The following SIL1 variants were observed in gnomAD, a reference collection of about 807,000 sequenced individuals.
SIL1 encodes the protein SIL1 nucleotide exchange factor, also known as nucleotide exchange factor SIL1.
Under a neutral mutation model 49.1 loss-of-function variants are expected in SIL1, and 40 were observed. The observed-to-expected ratio is 0.81, with a 90% CI of 0.63 to 1.06. The LOEUF is 1.06. Among genes scored for constraint, SIL1 ranks in the 50% least tolerant of loss-of-function variants. The pLI is 0.00. For synonymous variants in SIL1, 253 were observed against 250.8 expected (o/e 1.01, Z -0.08); for missense variants, 500 against 572.6 (o/e 0.87, Z 1.29).
intron 7 of SIL1, among the ~76,000 whole-genome samples, chr5:138,974,805 G>T (rs1418827258): frequency 6.6e-6 from 1 of 152,202 alleles, no homozygotes; most frequent in African/African-American, 2.4e-5. Flanking sequence ...AGCTCTTGCT[G>T]TATTTCCTTA....
intron 3 of SIL1, among the ~76,000 whole-genome samples, chr5:139,102,142 C>T (rs937397200): frequency 6.6e-6 from 1 of 152,036 alleles, no homozygotes; most frequent in African/African-American, 2.4e-5. Context: ...AATGCCCAAC[C>T]GTAAGAATTA....
chr5:138,981,214 A>AC (rs1767511911), intron 7 of SIL1, among the ~76,000 whole-genome samples: 1 of 8,512 alleles, frequency 1.2e-4, no homozygotes, highest in African/African-American at 7.3e-4. Flanking sequence ...CTCTGTCTCC[A>AC]AAAAAAAAAA....
intron 1 of SIL1, among the ~76,000 whole-genome samples, chr5:139,193,956 T>C (rs747892545): frequency 3.9e-5 from 6 of 152,250 alleles, no homozygotes; most frequent in Non-Finnish European, 8.8e-5. Flanking sequence ...AGGCTGGCTC[T>C]TTCCATTTGT....
intron 3 of SIL1, among the ~76,000 whole-genome samples, chr5:139,115,917 C>T (rs1172875440): frequency 2.6e-5 from 4 of 152,224 alleles, no homozygotes; most frequent in Non-Finnish European, 5.9e-5. Context: ...GTCTTATGGA[C>T]TTAGCCCTTT....
rs1768471645 is a variant in SIL1 at position 139,019,567 on chromosome 5, G to A, written c.767+1604C>T. Among the ~76,000 whole-genome samples, 3 of 152,086 alleles carry A rather than the reference G, an allele frequency of 2.0e-5. No individual in the cohort carries two copies. The South Asian group carries it at 6.2e-4, about 32-fold the overall frequency. ...TTGATGCTGCATAAATGTTAACATG[G>A]TCTTAAGCTAATACAATCACAGAAA... On this transcript the variant is annotated intron_variant, in intron 7 of 9. Transcript: ENST00000394817.
Position 139,157,694 on chromosome 5 carries a change from T to C in SIL1, c.-10-29841A>G, listed in dbSNP as rs117902984. 4.0e-4 allele frequency among the ~76,000 whole-genome samples: 61 copies of C among 152,318 alleles called. 1 individual carries two copies. In the East Asian group the frequency reaches 0.011, roughly 28 times the overall value. On this transcript the variant is annotated intron_variant, in intron 1 of 9. Transcript: ENST00000394817. ...GGTGGAGAAACACAGCAGTATGTTT[T>C]GTAAAAATAATGATGTCTTGGTAAC...
At chr5:139,105,604 T>A (rs1296432353) in intron 3 of SIL1, among the ~76,000 whole-genome samples, 1 of 152,182 alleles carries the variant, frequency 6.6e-6, no homozygotes, top group Non-Finnish European at 1.5e-5. Context: ...GAAAGCTCAT[T>A]TAGGGAATGG....
At chr5:139,125,377 C>A (rs980037989) in intron 2 of SIL1, among the ~76,000 whole-genome samples, 1 of 152,196 alleles carries the variant, frequency 6.6e-6, no homozygotes, top group East Asian at 1.9e-4. Flanking sequence ...CACTTCCTTG[C>A]GCTTGTATCC....
At chr5:139,052,308 T>C (rs1055478095) in intron 3 of SIL1, among the ~76,000 whole-genome samples, 1 of 152,236 alleles carries the variant, frequency 6.6e-6, no homozygotes, top group Admixed American at 6.5e-5. Flanking sequence ...AGGGAGTTTC[T>C]GTATGTTTTA....
At chr5:139,043,667 A>G (rs181307078) in intron 4 of SIL1, among the ~76,000 whole-genome samples, 4 of 152,324 alleles carry the variant, frequency 2.6e-5, no homozygotes, top group African/African-American at 4.8e-5. Context: ...CCTGCCAAAG[A>G]CCAGAATGGT....
At chr5:139,069,609 A>G (rs1769784694) in intron 3 of SIL1, among the ~76,000 whole-genome samples, 1 of 152,224 alleles carries the variant, frequency 6.6e-6, no homozygotes, top group South Asian at 2.1e-4. Context: ...ATAATTCAAG[A>G]AAGCTTTCCT....
At chr5:138,994,883 T>G (rs1767830584) in intron 7 of SIL1, among the ~76,000 whole-genome samples, 1 of 152,170 alleles carries the variant, frequency 6.6e-6, no homozygotes. Context: ...CCCAACAGGT[T>G]CCAGTGTATG....
chr5:139,096,630 C>T (rs1770472725), intron 3 of SIL1, among the ~76,000 whole-genome samples: 1 of 151,570 alleles, frequency 6.6e-6, no homozygotes. Flanking sequence ...CACAGCAGAA[C>T]AGGGCACCAG....
At chr5:139,029,739 T>G (rs1393302219) in intron 5 of SIL1, among the ~76,000 whole-genome samples, 1 of 151,638 alleles carries the variant, frequency 6.6e-6, no homozygotes, top group Non-Finnish European at 1.5e-5. Context: ...GCTCAAGCGA[T>G]CCACCCACCT....
chr5:139,003,558 C>A (rs1768039889), intron 7 of SIL1, among the ~76,000 whole-genome samples: 2 of 152,198 alleles, frequency 1.3e-5, no homozygotes, highest in Non-Finnish European at 2.9e-5. Context: ...AAATAACGTA[C>A]ACAAGTTTTA....
chr5:139,149,477 G>C (rs1316328550), intron 1 of SIL1, among the ~76,000 whole-genome samples: 1 of 152,084 alleles, frequency 6.6e-6, no homozygotes, highest in Non-Finnish European at 1.5e-5. Flanking sequence ...TACAAATAGG[G>C]GTCCTGTCCT....
intron 3 of SIL1, among the ~76,000 whole-genome samples, chr5:139,109,379 G>A (rs1163317199): frequency 6.6e-6 from 1 of 152,178 alleles, no homozygotes; most frequent in African/African-American, 2.4e-5. Context: ...TAATCCCTAA[G>A]ATCCAACTTA....
intron 1 of SIL1, among the ~76,000 whole-genome samples, chr5:139,183,611 C>A (rs1186783689): frequency 2.0e-5 from 3 of 152,198 alleles, no homozygotes; most frequent in Non-Finnish European, 2.9e-5. Flanking sequence ...GTTTATTGCA[C>A]CTCCTGTATG....
intron 1 of SIL1, among the ~76,000 whole-genome samples, chr5:139,165,515 A>AT (rs1308756517): frequency 2.0e-5 from 3 of 151,686 alleles, no homozygotes; most frequent in Non-Finnish European, 4.4e-5. Flanking sequence ...CACCTGGCTA[A>AT]TTTTTTGTAT....
Sources: allele counts gnomAD v4.1 joint callset (sites outside exome capture counted in the v4.1 genomes callset), GRCh38; gene constraint gnomAD v4.1.1; transcripts MANE v1.5; gene names NCBI Gene and HGNC (gene_info 2026-07-23, HGNC 2026-07-21).